Variants in PRKG1 observed in about 807,000 individuals in gnomAD.
PRKG1 encodes cGMP-dependent protein kinase 1.
In PRKG1, 35 loss-of-function variants were observed where a neutral mutation model predicts 88.1. The observed-to-expected ratio is 0.40, with a 90% CI of 0.30 to 0.53. The LOEUF (loss-of-function observed/expected upper bound fraction) is 0.53, where lower values mean the gene tolerates loss of function less well. Among genes scored for constraint, PRKG1 ranks in the 20% least tolerant of loss-of-function variants. The pLI is 0.59. For missense variants in PRKG1, 540 were observed against 839.8 expected (o/e 0.64, Z 4.41); for synonymous variants, 303 against 292.5 (o/e 1.04, Z -0.37).
At chr10:52,073,357 C>T (rs1846550545) in intron 7 of PRKG1, among the ~76,000 whole-genome samples, 2 of 152,190 alleles carry the variant, frequency 1.3e-5, no homozygotes, top group Admixed American at 1.3e-4. Context: ...CAACTCACTA[C>T]ATTCTCTAAA....
At chr10:52,174,912 G>T (rs1357464799) in intron 9 of PRKG1, among the ~76,000 whole-genome samples, 2 of 151,890 alleles carry the variant, frequency 1.3e-5, no homozygotes, top group South Asian at 4.1e-4. Flanking sequence ...GGTATATAAT[G>T]ATGTTCCAAT....
At chr10:51,098,016 T>A (rs1047135119) in intron 1 of PRKG1, among the ~76,000 whole-genome samples, 18 of 152,188 alleles carry the variant, frequency 1.2e-4, no homozygotes. Flanking sequence ...GTCCTCTGAC[T>A]TGTGTTGAAG....
At chr10:51,967,954 T>A (rs539368084) in intron 5 of PRKG1, among the ~76,000 whole-genome samples, 1 of 152,246 alleles carries the variant, frequency 6.6e-6, no homozygotes, top group Admixed American at 6.5e-5. Context: ...TTCTCAGTGA[T>A]TCTGTTCACT....
At chr10:52,112,672 G>A (rs959085341) in intron 7 of PRKG1, among the ~76,000 whole-genome samples, 1 of 151,898 alleles carries the variant, frequency 6.6e-6, no homozygotes, top group African/African-American at 2.4e-5. Context: ...GTTTTGACTT[G>A]TCCTTAAATA....
chr10:51,007,869 T>TA (rs1842956716), intron 1 of PRKG1, among the ~76,000 whole-genome samples: 1 of 152,222 alleles, frequency 6.6e-6, no homozygotes, highest in Non-Finnish European at 1.5e-5. Context: ...TTGTGCAAGG[T>TA]ACTTTATTGG....
At chr10:51,850,858 G>A (rs1840535647) in intron 4 of PRKG1, among the ~76,000 whole-genome samples, 2 of 152,096 alleles carry the variant, frequency 1.3e-5, no homozygotes, top group Non-Finnish European at 2.9e-5. Flanking sequence ...AGAGGAAACA[G>A]GTATTCTCAT....
intron 5 of PRKG1, among the ~76,000 whole-genome samples, chr10:52,007,359 T>C (rs1416806718): frequency 6.7e-6 from 1 of 150,204 alleles, no homozygotes; most frequent in East Asian, 1.9e-4. Flanking sequence ...TGAGACCAAA[T>C]GTTATGCTGT....
At chr10:51,231,453 C>T (rs766651227) in intron 2 of PRKG1, among the ~76,000 whole-genome samples, 4 of 152,108 alleles carry the variant, frequency 2.6e-5, no homozygotes, top group African/African-American at 9.7e-5. Context: ...AGGAGGAGGC[C>T]TAACTTTTAG....
chr10:51,597,804 T>C lies in PRKG1; in HGVS notation c.592+129968T>C, dbSNP rs551259960. ...ACGTATATTACTTATATAAGCACAA[T>C]GAATCACTCTGACATTCCTCAAAAG... On this transcript the variant is annotated intron_variant, in intron 3 of 17. Transcript: ENST00000373980. Among the ~76,000 whole-genome samples the C allele has an allele frequency of 4.6e-5, 7 of 152,156 alleles. 1 individual carries two copies. The highest frequency in any genetic ancestry group is 1.0e-4 in the Non-Finnish European group (7 of 68,026).
chr10:51,733,022 GGAGAGA>G (rs376863075), intron 3 of PRKG1, among the ~76,000 whole-genome samples: 1 of 150,430 alleles, frequency 6.6e-6, no homozygotes, highest in African/African-American at 2.4e-5. Flanking sequence ...AAATGGTAGA[GGAGAGA>G]GAGAGAGAGA....
At chr10:51,341,393 C>G (rs7086500) in intron 2 of PRKG1, among the ~76,000 whole-genome samples, 5,111 of 152,190 alleles carry the variant, frequency 0.034, 276 homozygotes, top group African/African-American at 0.11. Flanking sequence ...AGAGGCAGAA[C>G]AAAGAGAAGT....
At chr10:51,554,077 C>T (rs952040862) in intron 3 of PRKG1, among the ~76,000 whole-genome samples, 3 of 105,350 alleles carry the variant, frequency 2.8e-5, no homozygotes, top group South Asian at 3.0e-4. Context: ...ATTATATGTG[C>T]GTATGTGATA....
At chr10:51,760,259 T>A (rs917481619) in intron 3 of PRKG1, among the ~76,000 whole-genome samples, 1 of 152,236 alleles carries the variant, frequency 6.6e-6, no homozygotes, top group Non-Finnish European at 1.5e-5. Context: ...TATGTAATCT[T>A]GTTTTCTCAG....
intron 3 of PRKG1, among the ~76,000 whole-genome samples, chr10:51,491,874 T>G (rs1258243157): frequency 6.6e-6 from 1 of 152,118 alleles, no homozygotes; most frequent in Non-Finnish European, 1.5e-5. Flanking sequence ...CTAAGTCTTG[T>G]AGAAGTCTTG....
At chr10:51,248,525 A>G (rs1341801019) in intron 2 of PRKG1, among the ~76,000 whole-genome samples, 1 of 151,880 alleles carries the variant, frequency 6.6e-6, no homozygotes, top group Non-Finnish European at 1.5e-5. Context: ...AAAAGTCAGC[A>G]TTAAATCAGG....
At chr10:51,216,770 G>T (rs1456253871) in intron 2 of PRKG1, among the ~76,000 whole-genome samples, 3 of 152,144 alleles carry the variant, frequency 2.0e-5, no homozygotes, top group African/African-American at 7.2e-5. Context: ...AGTGGTATGG[G>T]TGTGTGTAAA....
At chr10:51,236,604 G>A (rs919732568) in intron 2 of PRKG1, among the ~76,000 whole-genome samples, 4 of 151,654 alleles carry the variant, frequency 2.6e-5, no homozygotes, top group South Asian at 2.1e-4. Flanking sequence ...CTAGGTTTAA[G>A]CGATTCTCCT....
At chr10:51,852,783 A>G (rs1224497036) in intron 4 of PRKG1, among the ~76,000 whole-genome samples, 1 of 152,158 alleles carries the variant, frequency 6.6e-6, no homozygotes. Context: ...CCACAAAATT[A>G]TGTATTTCAG....
chr10:51,429,406 G>A lies in PRKG1; in HGVS notation c.479-38317G>A, dbSNP rs371490256. 3.6e-4 allele frequency among the ~76,000 whole-genome samples: 55 copies of A among 152,186 alleles called. No homozygotes were observed. The East Asian group carries it at 6.6e-3, about 18-fold the overall frequency. ...GACTTGCTGTACTATATTACCTAAA[G>A]GGTCCAGTTTTCACTAAAACAAAAT... On this transcript the variant is annotated intron_variant, in intron 2 of 17. Coordinates refer to ENST00000373980, the MANE Select transcript of PRKG1 (RefSeq NM_006258.4).
Sources: allele counts gnomAD v4.1 joint callset (sites outside exome capture counted in the v4.1 genomes callset), GRCh38; gene constraint gnomAD v4.1.1; transcripts MANE v1.5; gene names NCBI Gene and HGNC (gene_info 2026-07-23, HGNC 2026-07-21).